FGF12: variants seen among roughly 807,000 people sequenced by gnomAD.
FGF12 encodes fibroblast growth factor 12B.
A neutral mutation model predicts 23.6 loss-of-function variants in FGF12; 14 were observed. The ratio of observed to expected loss-of-function variants is 0.59; its 90% CI spans 0.39 to 0.93. The LOEUF (loss-of-function observed/expected upper bound fraction) is 0.93, where lower values mean the gene tolerates loss of function less well. Ranked by LOEUF, FGF12 falls within the 40% of genes least tolerant of loss-of-function variation. The pLI, the probability that FGF12 is intolerant of heterozygous loss-of-function variation, is 0.00. For missense variants in FGF12, 175 were observed against 217.8 expected, an observed-to-expected ratio of 0.80 and a Z score of 1.24; for synonymous variants, 62 against 77.3, an observed-to-expected ratio of 0.80 and a Z score of 1.04.
chr3:192,528,507 G>A (rs1416925108), intron 2 of FGF12, among the ~76,000 whole-genome samples: 1 of 152,156 alleles, frequency 6.6e-6, no homozygotes, highest in Admixed American at 6.5e-5. Flanking sequence ...GGTACAACCT[G>A]TCAGTGGATC....
intron 5 of FGF12, among the ~76,000 whole-genome samples, chr3:192,163,862 G>A (rs907318608): frequency 8.2e-6 from 1 of 122,582 alleles, no homozygotes; most frequent in Non-Finnish European, 1.9e-5. Flanking sequence ...TGTTAGTACT[G>A]TCTCCCCACT....
intron 2 of FGF12, among the ~76,000 whole-genome samples, chr3:192,659,940 T>A (rs1716587174): frequency 6.6e-6 from 1 of 152,120 alleles, no homozygotes; most frequent in South Asian, 2.1e-4. Flanking sequence ...TGCATAAATG[T>A]CTCCTCTTGA....
chr3:192,466,214 G>A (rs1178962117), intron 2 of FGF12, among the ~76,000 whole-genome samples: 1 of 152,134 alleles, frequency 6.6e-6, no homozygotes, highest in East Asian at 1.9e-4. Flanking sequence ...AAAACATACG[G>A]TAAAAATAAG....
chr3:192,628,783 G>A (rs1715277651), intron 2 of FGF12, among the ~76,000 whole-genome samples: 1 of 150,288 alleles, frequency 6.7e-6, no homozygotes, highest in Non-Finnish European at 1.5e-5. Context: ...TGACGCAAAA[G>A]TAATTGTGGT....
At chr3:192,694,569 A>T (rs1435396867) in intron 2 of FGF12, among the ~76,000 whole-genome samples, 1 of 152,054 alleles carries the variant, frequency 6.6e-6, no homozygotes, top group East Asian at 1.9e-4. Context: ...ATATACACAT[A>T]CATATATATA....
At chr3:192,180,790 T>C (rs746146597) in intron 4 of FGF12, among the ~76,000 whole-genome samples, 3 of 152,134 alleles carry the variant, frequency 2.0e-5, no homozygotes, top group Non-Finnish European at 4.4e-5. Flanking sequence ...GTATATGAGG[T>C]AGAAGTTTCC....
At chr3:192,204,684 G>C in intron 4 of FGF12, among the ~76,000 whole-genome samples, 1 of 152,062 alleles carries the variant, frequency 6.6e-6, no homozygotes, top group East Asian at 1.9e-4. Context: ...TCAGGAGTTT[G>C]AGACCAGCCT....
At chr3:192,702,654 T>C (rs1215467790) in intron 2 of FGF12, among the ~76,000 whole-genome samples, 1 of 152,064 alleles carries the variant, frequency 6.6e-6, no homozygotes, top group African/African-American at 2.4e-5. Flanking sequence ...TAGCCAGGTA[T>C]GGTGGCATGC....
intron 4 of FGF12, among the ~76,000 whole-genome samples, chr3:192,290,623 A>T (rs1714705784): frequency 6.6e-6 from 1 of 152,182 alleles, no homozygotes; most frequent in Non-Finnish European, 1.5e-5. Flanking sequence ...TCATTTGCCC[A>T]AGTTGTGCTG....
Position 192,648,846 on chromosome 3 carries a change from A to G in FGF12, c.13+78335T>C, listed in dbSNP as rs75730584. Among the ~76,000 whole-genome samples, 64 of 152,334 alleles carry G rather than the reference A, an allele frequency of 4.2e-4. No homozygotes were observed. In the East Asian group the frequency reaches 0.011, roughly 25 times the overall value. On this transcript the variant is annotated intron_variant, in intron 2 of 5. Coordinates refer to ENST00000445105, the MANE Select transcript of FGF12 (RefSeq NM_004113.6). ...GAGTAACAACTAAATATAAACTGAAATTGAAGTATGGGGCCAGAAGCCAGT... is the reference window on the plus strand; with the variant it reads ...GAGTAACAACTAAATATAAACTGAAGTTGAAGTATGGGGCCAGAAGCCAGT...
chr3:192,516,085 C>A (rs1490344833), intron 2 of FGF12, among the ~76,000 whole-genome samples: 1 of 152,094 alleles, frequency 6.6e-6, no homozygotes, highest in Non-Finnish European at 1.5e-5. Context: ...CCTCAATTTT[C>A]TCATCTTTAA....
chr3:192,247,952 C>T (rs1342076719), intron 4 of FGF12, among the ~76,000 whole-genome samples: 11 of 152,182 alleles, frequency 7.2e-5, no homozygotes, highest in African/African-American at 1.7e-4. Flanking sequence ...TTGGGGCCCA[C>T]ATACTGCTTA....
chr3:192,228,518 C>T (rs947093738), intron 4 of FGF12, among the ~76,000 whole-genome samples: 5 of 152,112 alleles, frequency 3.3e-5, no homozygotes, highest in South Asian at 4.2e-4. Flanking sequence ...CTTGTCAAGG[C>T]GCGTCACCTT....
chr3:192,461,265 A>T (rs1722853661), intron 2 of FGF12, among the ~76,000 whole-genome samples: 1 of 152,208 alleles, frequency 6.6e-6, no homozygotes, highest in South Asian at 2.1e-4. Context: ...GCACACCTCC[A>T]GCTCAAAACA....
At chr3:192,581,783 G>T (rs933694898) in intron 2 of FGF12, among the ~76,000 whole-genome samples, 4 of 151,894 alleles carry the variant, frequency 2.6e-5, no homozygotes, top group African/African-American at 7.3e-5. Context: ...AATTTTTCCT[G>T]CATCCAAATC....
chr3:192,467,501 C>CT (rs1373165243), intron 2 of FGF12, among the ~76,000 whole-genome samples: 3 of 152,142 alleles, frequency 2.0e-5, no homozygotes, highest in African/African-American at 7.2e-5. Flanking sequence ...AGCGGGACGC[C>CT]TAGAGCACTG....
At chr3:192,258,278 C>G (rs972310391) in intron 4 of FGF12, among the ~76,000 whole-genome samples, 4 of 151,978 alleles carry the variant, frequency 2.6e-5, no homozygotes, top group Non-Finnish European at 5.9e-5. Flanking sequence ...GCCAATATGG[C>G]AAAACCCCAT....
chr3:192,401,056 T>G (rs1476184056), intron 2 of FGF12, among the ~76,000 whole-genome samples: 1 of 152,234 alleles, frequency 6.6e-6, no homozygotes, highest in African/African-American at 2.4e-5. Context: ...ACAATGAAAT[T>G]TTTCAAATAA....
intron 2 of FGF12, among the ~76,000 whole-genome samples, chr3:192,532,824 T>C (rs1427210898): frequency 6.6e-6 from 1 of 152,188 alleles, no homozygotes; most frequent in Admixed American, 6.5e-5. Flanking sequence ...GCTTGTTTAT[T>C]TTTTTCTTCT....
Sources: gnomAD v4.1 joint callset for allele counts (sites outside exome capture counted in the v4.1 genomes callset) on GRCh38, gnomAD v4.1.1 for gene constraint, MANE v1.5 for transcripts, NCBI Gene and HGNC (gene_info 2026-07-23, HGNC 2026-07-21) for gene names.